Variants in ZRANB3 observed in about 807,000 individuals in gnomAD.
ZRANB3 encodes DNA annealing helicase and endonuclease ZRANB3.
A neutral mutation model predicts 133.8 loss-of-function variants in ZRANB3; 125 were observed. The ratio of observed to expected loss-of-function variants is 0.93; its 90% CI spans 0.81 to 1.08. The LOEUF (loss-of-function observed/expected upper bound fraction) is 1.08, where lower values mean the gene tolerates loss of function less well. ZRANB3 is among the 50% of genes least tolerant of loss of function. The pLI is 0.00. For missense variants in ZRANB3, 1,229 were observed against 1,275.5 expected, an observed-to-expected ratio of 0.96 and a Z score of 0.56; for synonymous variants, 387 against 432.7, an observed-to-expected ratio of 0.89 and a Z score of 1.31.
intron 2 of ZRANB3, among the ~76,000 whole-genome samples, chr2:135,408,195 G>A (rs6735793): frequency 0.26 from 39,857 of 151,456 alleles, 8,762 homozygotes; most frequent in African/African-American, 0.59. Context: ...AAAAGAAGAC[G>A]TTTATGCAGC....
intron 2 of ZRANB3, among the ~76,000 whole-genome samples, chr2:135,420,109 ATATATATATATATAT>A (rs1688773780): frequency 1.4e-5 from 2 of 143,386 alleles, no homozygotes; most frequent in Admixed American, 7.1e-5. Flanking sequence ...ATATATATAT[ATATATATATATATAT>A]AACTTATAGA....
intron 8 of ZRANB3, among the ~76,000 whole-genome samples, chr2:135,310,312 T>C (rs1010606840): frequency 1.3e-5 from 2 of 152,154 alleles, no homozygotes; most frequent in Non-Finnish European, 2.9e-5. Context: ...TGAATGAGAA[T>C]AGAGTTCAGA....
intron 19 of ZRANB3, among the ~76,000 whole-genome samples, chr2:135,206,618 T>C (rs1693868241): frequency 6.6e-6 from 1 of 150,986 alleles, no homozygotes; most frequent in Non-Finnish European, 1.5e-5. Context: ...TTGGGTGTGA[T>C]AACTCATACT....
At chr2:135,335,908 A>C (rs1684350687) in intron 6 of ZRANB3, among the ~76,000 whole-genome samples, 1 of 152,134 alleles carries the variant, frequency 6.6e-6, no homozygotes, top group Non-Finnish European at 1.5e-5. Flanking sequence ...AAAAAAAAAC[A>C]ACATAAAAGG....
At chr2:135,265,134 A>G (rs1310358790) in intron 12 of ZRANB3, among the ~76,000 whole-genome samples, 1 of 152,236 alleles carries the variant, frequency 6.6e-6, no homozygotes, top group Non-Finnish European at 1.5e-5. Flanking sequence ...TGTAATGCAA[A>G]TATCTTTACT....
At chr2:135,478,996 A>C (rs763980348) in intron 2 of ZRANB3, among the ~76,000 whole-genome samples, 1 of 150,908 alleles carries the variant, frequency 6.6e-6, no homozygotes, top group African/African-American at 2.5e-5. Flanking sequence ...TAGCTCTCAG[A>C]ACACACATAC....
intron 8 of ZRANB3, among the ~76,000 whole-genome samples, chr2:135,307,346 G>GT (rs773674142): frequency 1.3e-5 from 2 of 152,104 alleles, no homozygotes; most frequent in South Asian, 4.1e-4. Flanking sequence ...GATTACAGGT[G>GT]TAAGCCACCA....
At chr2:135,247,296 G>A (rs570257929) in intron 12 of ZRANB3, among the ~76,000 whole-genome samples, 2 of 152,228 alleles carry the variant, frequency 1.3e-5, no homozygotes, top group East Asian at 1.9e-4. Flanking sequence ...AGTGACACAA[G>A]TAGGGTTTTA....
chr2:135,429,733 G>T (rs1431530256), intron 2 of ZRANB3, among the ~76,000 whole-genome samples: 1 of 152,052 alleles, frequency 6.6e-6, no homozygotes, highest in Non-Finnish European at 1.5e-5. Flanking sequence ...TAGAGATACG[G>T]GAAACGGTAG....
intron 14 of ZRANB3, among the ~76,000 whole-genome samples, chr2:135,226,203 A>G (rs1694755962): frequency 6.6e-6 from 1 of 152,196 alleles, no homozygotes; most frequent in African/African-American, 2.4e-5. Flanking sequence ...ATTAGGGAAC[A>G]TATTTCTCTT....
chr2:135,505,147 CAT>C (rs1272333965), intron 1 of ZRANB3, among the ~76,000 whole-genome samples: 1 of 152,090 alleles, frequency 6.6e-6, no homozygotes, highest in Non-Finnish European at 1.5e-5. Context: ...ATAAAAATGT[CAT>C]ATATCTGTAA....
chr2:135,484,585 G>GT (rs1173098193), intron 2 of ZRANB3, among the ~76,000 whole-genome samples: 1 of 151,662 alleles, frequency 6.6e-6, no homozygotes, highest in Admixed American at 6.6e-5. Context: ...TTAATGCATG[G>GT]TTTTTTAATA....
chr2:135,330,801 T>G (rs1469733174), intron 6 of ZRANB3, among the ~76,000 whole-genome samples: 1 of 152,158 alleles, frequency 6.6e-6, no homozygotes, highest in Non-Finnish European at 1.5e-5. Flanking sequence ...TCCAGGAATT[T>G]TTCCATTTCT....
rs558588147 is a variant in ZRANB3, at chr2:135,290,799, T to C, written c.967-15044A>G. Among the ~76,000 whole-genome samples the C allele has an allele frequency of 2.6e-5, 4 of 152,276 alleles. No homozygotes were observed. In the East Asian group the frequency reaches 7.7e-4, roughly 29 times the overall value. ...GTTTCATGATCTTTTTGCGATGAAT[T>C]TCCTGGGTGTTCTTTGAGCTTCTTG... On this transcript the variant is annotated intron_variant, in intron 8 of 20. Transcript: ENST00000264159.
At chr2:135,300,153 T>C (rs1041589278) in intron 8 of ZRANB3, among the ~76,000 whole-genome samples, 1 of 152,174 alleles carries the variant, frequency 6.6e-6, no homozygotes, top group African/African-American at 2.4e-5. Flanking sequence ...AAGAACAAGA[T>C]TTCATACTGC....
intron 6 of ZRANB3, among the ~76,000 whole-genome samples, chr2:135,332,897 A>G (rs918050356): frequency 2.0e-5 from 3 of 152,164 alleles, no homozygotes; most frequent in African/African-American, 7.2e-5. Context: ...TCTTATAAAT[A>G]TAGTTTAAGT....
intron 2 of ZRANB3, among the ~76,000 whole-genome samples, chr2:135,480,692 C>G (rs1006437649): frequency 1.3e-5 from 2 of 150,470 alleles, no homozygotes; most frequent in African/African-American, 4.9e-5. Context: ...TATACATGTG[C>G]CATGCTGTTG....
intron 13 of ZRANB3, among the ~76,000 whole-genome samples, chr2:135,228,473 A>T (rs2105065130): frequency 6.6e-6 from 1 of 152,282 alleles, no homozygotes; most frequent in South Asian, 2.1e-4. Flanking sequence ...TTCTAAATGT[A>T]ACTGGAAGCC....
chr2:135,522,435 TA>T (rs1245125737), intron 1 of ZRANB3, among the ~76,000 whole-genome samples: 7 of 152,144 alleles, frequency 4.6e-5, no homozygotes, highest in African/African-American at 1.7e-4. Context: ...GGACTTGGGG[TA>T]CCCGCCGGGT....
Sources: gnomAD v4.1 joint callset for allele counts (sites outside exome capture counted in the v4.1 genomes callset) on GRCh38, gnomAD v4.1.1 for gene constraint, MANE v1.5 for transcripts, NCBI Gene and HGNC (gene_info 2026-07-23, HGNC 2026-07-21) for gene names.